Variants in FUT8 observed in about 807,000 individuals in gnomAD.
The protein encoded by FUT8 is alpha-(1,6)-fucosyltransferase.
FUT8 carries 29 observed loss-of-function variants against 71.3 expected under a neutral mutation model. That is an observed-to-expected ratio of 0.41 (90% CI 0.30 to 0.55). The LOEUF is 0.55. FUT8 is among the 20% of genes least tolerant of loss of function. The pLI is 0.34. For synonymous variants in FUT8, 254 were observed against 239.3 expected (o/e 1.06, Z -0.57); for missense variants, 544 against 702.1 (o/e 0.77, Z 2.55).
chr14:65,504,710 C>T (rs370201927), intron 2 of FUT8, among the ~76,000 whole-genome samples: 6 of 152,026 alleles, frequency 3.9e-5, no homozygotes, highest in South Asian at 4.2e-4. Context: ...CCACCATGCC[C>T]GGCTAATTTT....
chr14:65,468,067 G>A (rs2066073243), intron 2 of FUT8: 1 of 652,208 alleles, frequency 1.5e-6, no homozygotes, highest in South Asian at 1.6e-5. Context: ...TTGTTGACAA[G>A]TTGTTTACAA....
chr14:65,589,441 CTTT>C (rs35606286), intron 3 of FUT8, among the ~76,000 whole-genome samples: 1 of 109,952 alleles, frequency 9.1e-6, no homozygotes, highest in Non-Finnish European at 1.7e-5. Flanking sequence ...TGCCTTAAAT[CTTT>C]TTTTTTTTTT....
chr14:65,721,577 A>G (rs1348221925), intron 7 of FUT8, among the ~76,000 whole-genome samples, 198 bp from the exon 8 acceptor site: 1 of 152,224 alleles, frequency 6.6e-6, no homozygotes, highest in African/African-American at 2.4e-5. Context: ...TGAGAGATAG[A>G]CTAACCTGCA....
chr14:65,359,774 G>A, the FUT8 span, among the ~76,000 whole-genome samples: 4 of 152,172 alleles, frequency 2.6e-5, no homozygotes, highest in Non-Finnish European at 4.4e-5. Context: ...GCTAATGTGA[G>A]TAATACAGCT....
In FUT8 at chr14:65,660,747, C is replaced by A. The variant is rs1891919251; in HGVS notation, c.598-8496C>A. On this transcript the variant is annotated intron_variant, in intron 6 of 10. Coordinates refer to ENST00000673929, the MANE Select transcript of FUT8 (RefSeq NM_001371533.1). The surrounding 1 kb of genome is among the most constrained non-coding windows in gnomAD (Gnocchi z 4.1). ...AAGGGACAATAATTTCTGGTCTTGG[C>A]TTTTAAAAGTGAGCATGCTTTTTAA... 6.6e-6 allele frequency among the ~76,000 whole-genome samples: 1 copy of A among 152,106 alleles called. No homozygotes were observed. The highest frequency in any genetic ancestry group is 1.5e-5 in the Non-Finnish European group (1 of 68,006).
At chr14:65,485,042 A>T (rs1242210319) in intron 2 of FUT8, among the ~76,000 whole-genome samples, 1 of 152,072 alleles carries the variant, frequency 6.6e-6, no homozygotes, top group Non-Finnish European at 1.5e-5. Flanking sequence ...AAATGCATTT[A>T]GAATAACTTT....
the FUT8 span, among the ~76,000 whole-genome samples, chr14:65,382,299 C>T: frequency 9.2e-5 from 14 of 152,278 alleles, no homozygotes; most frequent in African/African-American, 3.4e-4. Context: ...TCTTTGAAAA[C>T]CCAGATGAAA....
Position 65,489,286 on chromosome 14 carries a change from A to G in FUT8, c.-228+33568A>G, listed in dbSNP as rs2066451093. 6.6e-6 allele frequency among the ~76,000 whole-genome samples: 1 copy of G among 152,118 alleles called. No homozygotes were observed. ...CCTAACCTCATTCTCCTCCACCTGT[A>G]ACAATGGTGAATATGAAGCAAGTGT... On this transcript the variant is annotated intron_variant, in intron 2 of 10. Transcript: ENST00000673929. The surrounding 1 kb of genome is among the most constrained non-coding windows in gnomAD (Gnocchi z 4.0).
intron 3 of FUT8, among the ~76,000 whole-genome samples, chr14:65,606,154 C>T (rs867872842): frequency 4.0e-5 from 6 of 150,282 alleles, no homozygotes; most frequent in African/African-American, 1.5e-4. Context: ...CTTACTGCAA[C>T]CTCCGCCTCC....
intron 2 of FUT8, among the ~76,000 whole-genome samples, chr14:65,484,672 T>A (rs948871498): frequency 6.6e-6 from 1 of 151,998 alleles, no homozygotes; most frequent in Non-Finnish European, 1.5e-5. Flanking sequence ...AGGCCCTGTC[T>A]CAAAAAAATA....
intron 3 of FUT8, among the ~76,000 whole-genome samples, chr14:65,602,530 A>G (rs1888360063): frequency 6.6e-6 from 1 of 151,476 alleles, no homozygotes; most frequent in Non-Finnish European, 1.5e-5. Context: ...CTCTGAGTAA[A>G]TAACCAGTAG....
At chr14:65,504,576 A>G (rs1275165514) in intron 2 of FUT8, among the ~76,000 whole-genome samples, 1 of 152,216 alleles carries the variant, frequency 6.6e-6, no homozygotes. Context: ...AACTTGGTTA[A>G]TAAATACTTT....
intron 7 of FUT8, among the ~76,000 whole-genome samples, chr14:65,677,112 A>G (rs550754291): frequency 1.7e-4 from 13 of 77,082 alleles, no homozygotes; most frequent in Non-Finnish European, 3.5e-4. Context: ...AGAAAGACAT[A>G]TTTGTGTGTG....
intron 1 of FUT8, among the ~76,000 whole-genome samples, chr14:65,438,942 C>T (rs2065600967): frequency 6.6e-6 from 1 of 152,184 alleles, no homozygotes; most frequent in African/African-American, 2.4e-5. Context: ...AATGTGTAAG[C>T]ACAGTTACAC....
chr14:65,677,151 T>TGTGAGTGTGTGTGTGCGC, intron 7 of FUT8, among the ~76,000 whole-genome samples: 1 of 110,702 alleles, frequency 9.0e-6, no homozygotes, highest in Admixed American at 9.2e-5. Flanking sequence ...TGTGTGTGTG[T>TGTGAGTGTGTGTGTGCGC]GCGCGCGCGC....
intron 5 of FUT8, among the ~76,000 whole-genome samples, chr14:65,620,325 A>C (rs906044324): frequency 6.6e-6 from 1 of 152,140 alleles, no homozygotes. Flanking sequence ...CCTAGTTTGC[A>C]TTTCTCATTA....
intron 3 of FUT8, among the ~76,000 whole-genome samples, chr14:65,596,890 C>T (rs1888009912): frequency 1.3e-5 from 2 of 152,146 alleles, no homozygotes; most frequent in African/African-American, 4.8e-5. Flanking sequence ...TCCTAGTTAG[C>T]TCAGCAGCAT....
chr14:65,484,160 G>A (rs1412362132), intron 2 of FUT8, among the ~76,000 whole-genome samples: 2 of 152,120 alleles, frequency 1.3e-5, no homozygotes, highest in African/African-American at 4.8e-5. Flanking sequence ...TGGCTTTTCT[G>A]CATAGACAAA....
chr14:65,518,427 A>T (rs1417957702), intron 2 of FUT8, among the ~76,000 whole-genome samples: 1 of 152,120 alleles, frequency 6.6e-6, no homozygotes, highest in African/African-American at 2.4e-5. Context: ...TAAAAATAAA[A>T]CTTCTTTCTC....
Sources: gnomAD v4.1 joint callset for allele counts (sites outside exome capture counted in the v4.1 genomes callset) on GRCh38, gnomAD v4.1.1 for gene constraint, Gnocchi (gnomAD v3.1) non-coding constraint, MANE v1.5 for transcripts, NCBI Gene and HGNC (gene_info 2026-07-23, HGNC 2026-07-21) for gene names.